DNAH10: variants seen among roughly 807,000 people sequenced by gnomAD.
DNAH10 encodes dynein axonemal heavy chain 10.
Under a neutral mutation model 506.6 loss-of-function variants are expected in DNAH10, and 348 were observed. That is an observed-to-expected ratio of 0.69 (90% CI 0.63 to 0.75). The LOEUF (loss-of-function observed/expected upper bound fraction) is 0.75. DNAH10 is among the 30% of genes least tolerant of loss of function. The probability of loss-of-function intolerance (pLI) is 0.00; values close to 1 mark genes in which losing one functional copy is unlikely to be tolerated. For synonymous variants in DNAH10, 2,059 were observed against 2,198.6 expected (o/e 0.94, Z 1.78); for missense variants, 5,179 against 5,787.1 (o/e 0.89, Z 3.41).
chr12:123,883,494 C>A (rs540743471), intron 51 of DNAH10, among the ~76,000 whole-genome samples: 4 of 152,322 alleles, frequency 2.6e-5, no homozygotes, highest in African/African-American at 9.6e-5. Context: ...TTCTCCCCGA[C>A]TCTTCATTAG....
intron 52 of DNAH10, 57 bp from the exon 53 acceptor site, chr12:123,893,176 T>C: frequency 1.3e-6 from 2 of 1,543,624 alleles, no homozygotes; most frequent in Non-Finnish European, 1.8e-6. Context: ...AGTCAGCACT[T>C]AGAGCGGTCA....
At chr12:123,802,682 A>G (rs186597092) in intron 16 of DNAH10, among the ~76,000 whole-genome samples, 1 of 148,460 alleles carries the variant, frequency 6.7e-6, no homozygotes, top group Admixed American at 6.7e-5. Flanking sequence ...TCCATCATCA[A>G]TATATGAGTG....
chr12:123,787,682 C>A lies in DNAH10; in HGVS notation c.1422-122C>A, dbSNP rs1430299375. 4 of 1,158,354 alleles carry A rather than the reference C, an allele frequency of 3.5e-6. No homozygotes were observed. Among genetic ancestry groups the A allele is most frequent in the Non-Finnish European group, 4.9e-6 (4 of 811,006 alleles). The allele number at this position is 1,158,354 out of a possible 1,614,324, so 71.8% of individuals were successfully genotyped here. Reference sequence around the variant, plus strand: ...GCCCGCTCTGCCTTTTCCGATGAGGCCGTGAAACCAGGGGGGGCGCCCGGG... The same window carrying A: ...GCCCGCTCTGCCTTTTCCGATGAGGACGTGAAACCAGGGGGGGCGCCCGGG... On this transcript the variant is annotated intron_variant, in intron 9 of 78. Transcript: ENST00000673944. The surrounding 1 kb of genome is among the most constrained non-coding windows in gnomAD (Gnocchi z 4.6).
intron 35 of DNAH10, among the ~76,000 whole-genome samples, chr12:123,852,132 T>C (rs1052950676): frequency 6.6e-6 from 1 of 152,216 alleles, no homozygotes; most frequent in African/African-American, 2.4e-5. Flanking sequence ...CCCTGATCTA[T>C]TCTTCAGTCA....
chr12:123,822,501 A>C (rs1244260967), intron 24 of DNAH10, among the ~76,000 whole-genome samples: 1 of 152,138 alleles, frequency 6.6e-6, no homozygotes, highest in African/African-American at 2.4e-5. Flanking sequence ...CTGTATCTAT[A>C]ACCTGTATCT....
At position 123,818,929 on chromosome 12, in the gene DNAH10, T is replaced by G. The variant is rs967758685; in HGVS notation, c.3781-21T>G. On this transcript the variant is annotated intron_variant, in intron 21 of 78. Transcript: ENST00000673944. ...TGCTCATCATTTGTTGTTTATTCTGTTTTTTGTTTCTCCTAATTAGCCTCC... is the reference window on the plus strand; with the variant it reads ...TGCTCATCATTTGTTGTTTATTCTGGTTTTTGTTTCTCCTAATTAGCCTCC... The G allele has an allele frequency of 1.3e-5, 20 of 1,506,770 alleles. No homozygotes were observed. In the African/African-American group the frequency reaches 2.5e-4, roughly 19 times the overall value. 93.3% of individuals were successfully genotyped at this position (1,506,770 alleles called of 1,614,324 possible). A position where few individuals can be genotyped will look rare whatever the true frequency, so the allele number is the denominator to read the frequency against.
chr12:123,858,575 ACTG>A (rs1951491155), intron 37 of DNAH10, among the ~76,000 whole-genome samples: 1 of 152,200 alleles, frequency 6.6e-6, no homozygotes. Context: ...CAGCAATTTC[ACTG>A]CTGGGGATCT....
In DNAH10 at chr12:123,928,669, C is replaced by CT; in HGVS notation, c.12306+85dup. On this transcript the variant is annotated intron_variant, in intron 70 of 78. Transcript: ENST00000673944. This position sits in a 1 kb window ranked among gnomAD's most constrained non-coding sequence, Gnocchi z 4.9. The stretch of plus-strand genomic sequence containing the variant: ...ATGCTGCTCTGGGGCCGGGGTGTGC[C>CT]TTTGTCTGTGTAGAAATAAACCTTA... The CT allele has an allele frequency of 6.9e-7, 1 of 1,446,752 alleles. No individual in the cohort carries two copies. The highest frequency in any genetic ancestry group is 9.3e-7 in the Non-Finnish European group (1 of 1,077,210). The allele number at this position is 1,446,752 out of a possible 1,614,324, so 89.6% of individuals were successfully genotyped here.
At position 123,867,932 on chromosome 12, in the gene DNAH10, G is replaced by A. The variant is rs141832237; in HGVS notation, c.7332G>A (p.Ala2444=). 83 of 1,613,778 alleles carry A rather than the reference G, an allele frequency of 5.1e-5. No individual in the cohort carries two copies. The highest frequency in any genetic ancestry group is 6.6e-5 in the Non-Finnish European group (78 of 1,179,800). ...MVTQLAKMLD[A]LLEGEIEDLD... is the part of the protein sequence containing the mutation. ...CCCAGTTAGCCAAGATGTTGGATGC[G>A]TTGCTAGAAGGAGAAATAGAAGACC... is the stretch of plus-strand genomic sequence containing the variant. The change falls in exon 43 of 79, where the codon GCG becomes GCA. Residue 2444 remains alanine, a synonymous_variant. Coordinates refer to ENST00000673944, the MANE Select transcript of DNAH10 (RefSeq NM_001372106.1).
chr12:123,794,950 C>T (rs1171278389), intron 12 of DNAH10, among the ~76,000 whole-genome samples: 2 of 151,470 alleles, frequency 1.3e-5, no homozygotes, highest in Admixed American at 1.3e-4. Flanking sequence ...GAGTTCGAGA[C>T]CAGCCTTTGC....
chr12:123,869,139 G>A (rs1951926745), intron 43 of DNAH10, among the ~76,000 whole-genome samples: 1 of 152,166 alleles, frequency 6.6e-6, no homozygotes, highest in African/African-American at 2.4e-5. Context: ...TGTCATGTCT[G>A]CATCACAAAT....
chr12:123,765,207 C>T (rs1237478414), intron 1 of DNAH10, among the ~76,000 whole-genome samples: 1 of 151,920 alleles, frequency 6.6e-6, no homozygotes, highest in Non-Finnish European at 1.5e-5. Context: ...TTCCGGGCAG[C>T]AGATACCCAA....
In DNAH10 at chr12:123,925,112, C is replaced by T; in HGVS notation, c.11829C>T (p.Thr3943=). The T allele has an allele frequency of 6.2e-7, 1 of 1,614,004 alleles. No individual in the cohort carries two copies. The highest frequency in any genetic ancestry group is 8.5e-7 in the Non-Finnish European group (1 of 1,179,890). The change falls in exon 68 of 79, where the codon ACC becomes ACT. Residue 3943 remains threonine, a synonymous_variant. Coordinates refer to ENST00000673944, the MANE Select transcript of DNAH10 (RefSeq NM_001372106.1). This position sits in a 1 kb window ranked among gnomAD's most constrained non-coding sequence, Gnocchi z 4.0. ...PVPLGYDNNI[T]PFQKLLILRC... Reference sequence around the variant, plus strand: ...CCTTGGGTTACGATAACAACATCACCCCTTTCCAGAAGTTGCTTATTTTGC... The same window carrying T: ...CCTTGGGTTACGATAACAACATCACTCCTTTCCAGAAGTTGCTTATTTTGC...
intron 9 of DNAH10, among the ~76,000 whole-genome samples, chr12:123,786,525 CTA>C (rs907921199): frequency 2.0e-5 from 3 of 151,834 alleles, no homozygotes; most frequent in African/African-American, 4.8e-5. Context: ...GAATCAGACA[CTA>C]TGTGACTTTT....
In DNAH10 at chr12:123,935,510, A is replaced by G. The variant is rs780941234; in HGVS notation, c.*29A>G. 10 of 1,553,386 alleles carry G rather than the reference A, an allele frequency of 6.4e-6. No homozygotes were observed. In the South Asian group the frequency reaches 1.0e-4, roughly 16 times the overall value. On this transcript the variant is annotated 3_prime_UTR_variant, in exon 79 of 79. Coordinates refer to ENST00000673944, the MANE Select transcript of DNAH10 (RefSeq NM_001372106.1). The stretch of plus-strand genomic sequence containing the variant: ...TTGGGTGAAGAAAACTGCTTAATGA[A>G]TTCGGAGCCTGGGGTTGTCAGAGTG...
intron 25 of DNAH10, among the ~76,000 whole-genome samples, chr12:123,829,841 A>G (rs1960355468): frequency 1.3e-5 from 2 of 152,178 alleles, no homozygotes; most frequent in Admixed American, 1.3e-4. Flanking sequence ...ACACAGAACT[A>G]AAACATGGGC....
intron 24 of DNAH10, among the ~76,000 whole-genome samples, chr12:123,822,701 C>T (rs1959545176): frequency 6.6e-6 from 1 of 152,152 alleles, no homozygotes; most frequent in Admixed American, 6.5e-5. Context: ...TGAGAAATCC[C>T]ATGGTCTGCA....
chr12:123,896,130 CACACACACACACACACACAGAGAG>C (rs1953214378), intron 54 of DNAH10, among the ~76,000 whole-genome samples: 3 of 111,150 alleles, frequency 2.7e-5, no homozygotes, highest in African/African-American at 1.4e-4. Flanking sequence ...CACACACACA[CACACACACACACACACACAGAGAG>C]AGAGAGAGAG....
chr12:123,894,977 C>T (rs1221132948), intron 54 of DNAH10, among the ~76,000 whole-genome samples: 1 of 152,184 alleles, frequency 6.6e-6, no homozygotes, highest in East Asian at 1.9e-4. Flanking sequence ...TTGGCAAAAC[C>T]ATGGTCTGCT....
Sources: allele counts gnomAD v4.1 joint callset (sites outside exome capture counted in the v4.1 genomes callset), GRCh38; gene constraint gnomAD v4.1.1; non-coding constraint Gnocchi (gnomAD v3.1); transcripts MANE v1.5; gene names NCBI Gene and HGNC (gene_info 2026-07-23, HGNC 2026-07-21).